The following SLC24A1 variants were observed in gnomAD, a reference collection of about 807,000 sequenced individuals.
SLC24A1 encodes sodium/potassium/calcium exchanger 1.
Under a neutral mutation model 88.1 loss-of-function variants are expected in SLC24A1, and 52 were observed. The observed-to-expected ratio is 0.59, with a 90% CI of 0.47 to 0.74. The LOEUF (loss-of-function observed/expected upper bound fraction) is 0.74, where lower values mean the gene tolerates loss of function less well. Ranked by LOEUF, SLC24A1 falls within the 30% of genes least tolerant of loss-of-function variation. SLC24A1 has a pLI of 0.00. For synonymous variants in SLC24A1, 455 were observed against 498.0 expected (o/e 0.91, Z 1.15); for missense variants, 1,173 against 1,363.3 (o/e 0.86, Z 2.20).
At chr15:65,645,740 G>A in intron 6 of SLC24A1, 37 bp downstream of exon 6, 2 of 1,453,650 alleles carry the variant, frequency 1.4e-6, no homozygotes, top group Admixed American at 2.0e-5. Flanking sequence ...AAATTGGAGA[G>A]GTCTAGGGAA....
exon 1 of SLC24A1, chr15:65,611,423 C>G (rs1349590855): frequency 1.8e-6 from 1 of 562,118 alleles, no homozygotes; most frequent in Admixed American, 3.1e-5. Flanking sequence ...GAATCTCTCC[C>G]CATTCTCGGG....
chr15:65,656,904 C>T (rs966675670), downstream of SLC24A1, among the ~76,000 whole-genome samples: 4 of 152,132 alleles, frequency 2.6e-5, no homozygotes, highest in African/African-American at 9.7e-5. Context: ...GGGGCCTTGC[C>T]CTGTCACCCA....
chr15:65,648,801 A>C (rs1343839255), intron 6 of SLC24A1, among the ~76,000 whole-genome samples: 1 of 151,716 alleles, frequency 6.6e-6, no homozygotes, highest in Non-Finnish European at 1.5e-5. Context: ...TGCCCAGCCT[A>C]TCTCTTAAAT....
At chr15:65,626,030 C>CCAGCACCTTCTCTT in intron 2 of SLC24A1, 60 bp downstream of exon 2, 1 of 1,263,022 alleles carries the variant, frequency 7.9e-7, no homozygotes, top group Non-Finnish European at 1.2e-6. Flanking sequence ...TGTGGCGAAG[C>CCAGCACCTTCTCTT]CAGGACCTGA....
upstream of SLC24A1, among the ~76,000 whole-genome samples, chr15:65,617,654 C>T (rs1201264009): frequency 6.6e-6 from 1 of 152,186 alleles, no homozygotes; most frequent in Non-Finnish European, 1.5e-5. Flanking sequence ...TCTAAATATA[C>T]AATCATGTCA....
At chr15:65,623,834 A>C in intron 1 of SLC24A1, 121 bp from the exon 2 acceptor site, 2 of 438,694 alleles carry the variant, frequency 4.6e-6, no homozygotes, top group Non-Finnish European at 4.0e-6. Context: ...TCTTGCAAAG[A>C]CCCCATGCAT....
downstream of SLC24A1, among the ~76,000 whole-genome samples, chr15:65,658,768 C>G (rs2075758576): frequency 6.6e-6 from 1 of 152,110 alleles, no homozygotes; most frequent in South Asian, 2.1e-4. Flanking sequence ...ATAGAGCTAG[C>G]TAATACTTGC....
At chr15:65,611,743 GT>G (rs1252428240) in exon 1 of SLC24A1, 1 of 152,726 alleles carries the variant, frequency 6.5e-6, no homozygotes, top group Non-Finnish European at 1.5e-5. Flanking sequence ...CAGGTCAGGA[GT>G]TTGAGACCAG....
At chr15:65,659,940 G>A (rs2075804154), downstream of SLC24A1, 1 of 190,092 alleles carries the variant, frequency 5.3e-6, no homozygotes, top group Non-Finnish European at 1.1e-5. Flanking sequence ...TACACAAAAA[G>A]TAAACAACAA....
downstream of SLC24A1, chr15:65,660,858 GAT>G (rs1258766692): frequency 6.6e-6 from 1 of 151,936 alleles, no homozygotes; most frequent in Non-Finnish European, 1.5e-5. Flanking sequence ...TCATATTTCA[GAT>G]AAATATTCTA....
chr15:65,633,553 A>C (rs1041832248), intron 2 of SLC24A1, among the ~76,000 whole-genome samples: 1 of 151,842 alleles, frequency 6.6e-6, no homozygotes, highest in East Asian at 1.9e-4. Flanking sequence ...CCAGCTACTC[A>C]GGAGGCTGAG....
intron 2 of SLC24A1, among the ~76,000 whole-genome samples, chr15:65,615,394 G>T (rs2074103889): frequency 1.3e-5 from 2 of 152,138 alleles, no homozygotes; most frequent in Admixed American, 1.3e-4. Context: ...AATTTGTGAG[G>T]CTGGGAGGCC....
At chr15:65,644,021 A>G (rs753056890) in intron 4 of SLC24A1, 12 of 199,098 alleles carry the variant, frequency 6.0e-5, no homozygotes, top group Non-Finnish European at 1.0e-4. Flanking sequence ...GACATTACCA[A>G]TCAATCATGG....
At chr15:65,630,484 C>T (rs2074679455) in intron 2 of SLC24A1, among the ~76,000 whole-genome samples, 1 of 152,044 alleles carries the variant, frequency 6.6e-6, no homozygotes, top group South Asian at 2.1e-4. Flanking sequence ...CCGCCGAGAA[C>T]CCCCCCTGCC....
chr15:65,642,407 C>T (rs536878289), intron 4 of SLC24A1, among the ~76,000 whole-genome samples: 1 of 152,252 alleles, frequency 6.6e-6, no homozygotes, highest in South Asian at 2.1e-4. Flanking sequence ...GGGGGAGACC[C>T]TGCAGCTGAC....
At chr15:65,651,640 A>G in intron 7 of SLC24A1, 30 bp from the exon 8 acceptor site, 1 of 1,188,708 alleles carries the variant, frequency 8.4e-7, no homozygotes, top group Non-Finnish European at 1.3e-6. Context: ...TCTACAGCTT[A>G]CTTCTTGTCC....
rs534228602 is a variant in SLC24A1 at position 65,652,978 on chromosome 15, A to T, written c.3050+170A>T. ...TCTTCCCTTCATTCATCATAGCCAG[A>T]TGGGATAATAGACCTAAAATGCTGC... On this transcript the variant is annotated intron_variant, in intron 9 of 9. Coordinates refer to ENST00000261892, the MANE Select transcript of SLC24A1 (RefSeq NM_004727.3). The T allele has an allele frequency of 5.7e-5, 29 of 510,780 alleles. No individual in the cohort carries two copies. In the East Asian group the frequency reaches 9.0e-4, roughly 16 times the overall value. 31.6% of individuals were successfully genotyped at this position (510,780 alleles called of 1,614,324 possible).
intron 6 of SLC24A1, among the ~76,000 whole-genome samples, chr15:65,649,652 G>T (rs894952095): frequency 6.6e-6 from 1 of 152,006 alleles, no homozygotes; most frequent in Non-Finnish European, 1.5e-5. Flanking sequence ...ATAAAACACC[G>T]TAAGTGCTAG....
rs923162937 is a variant in SLC24A1 at position 65,650,971 on chromosome 15, C to G, written c.2793+29C>G. 67 of 1,596,126 alleles carry G rather than the reference C, an allele frequency of 4.2e-5. No individual in the cohort carries two copies. The highest frequency in any genetic ancestry group is 5.6e-5 in the Non-Finnish European group (65 of 1,163,806). Reference sequence around the variant, plus strand: ...AGTGTGCCCATCTGTATCTCAGACTCTTTATCCCCAGCAGGGCTGTGGGGT... The same window carrying G: ...AGTGTGCCCATCTGTATCTCAGACTGTTTATCCCCAGCAGGGCTGTGGGGT... On this transcript the variant is annotated intron_variant, in intron 7 of 9. Coordinates refer to ENST00000261892, the MANE Select transcript of SLC24A1 (RefSeq NM_004727.3). The surrounding 1 kb of genome is among the most constrained non-coding windows in gnomAD (Gnocchi z 4.1).
Sources: gnomAD v4.1 joint callset for allele counts (sites outside exome capture counted in the v4.1 genomes callset) on GRCh38, gnomAD v4.1.1 for gene constraint, Gnocchi (gnomAD v3.1) non-coding constraint, MANE v1.5 for transcripts, NCBI Gene and HGNC (gene_info 2026-07-23, HGNC 2026-07-21) for gene names.